Variants in CDH18 observed in about 807,000 individuals in gnomAD.
The protein encoded by CDH18 is cadherin-18.
Under a neutral mutation model 67.9 loss-of-function variants are expected in CDH18, and 31 were observed. That is an observed-to-expected ratio of 0.46 (90% confidence interval 0.34 to 0.62). The LOEUF is 0.62. CDH18 is among the 20% of genes least tolerant of loss of function. CDH18 has a pLI of 0.01. For synonymous variants in CDH18, 362 were observed against 347.2 expected (o/e 1.04, Z -0.48); for missense variants, 890 against 975.5 (o/e 0.91, Z 1.17).
chr5:19,665,042 C>T (rs1213170174), intron 5 of CDH18, among the ~76,000 whole-genome samples: 1 of 151,770 alleles, frequency 6.6e-6, no homozygotes, highest in Non-Finnish European at 1.5e-5. Flanking sequence ...TAGATTTTTC[C>T]AGTACAATTG....
intron 3 of CDH18, among the ~76,000 whole-genome samples, chr5:19,808,426 A>G (rs1349579300): frequency 6.6e-6 from 1 of 152,204 alleles, no homozygotes; most frequent in Non-Finnish European, 1.5e-5. Flanking sequence ...ATGTTCATAC[A>G]TTCATTGGAT....
At chr5:20,409,857 A>G (rs1276863579) in intron 1 of CDH18, among the ~76,000 whole-genome samples, 4 of 151,748 alleles carry the variant, frequency 2.6e-5, no homozygotes, top group African/African-American at 9.7e-5. Context: ...AAATTACTAT[A>G]AACACTTGTA....
chr5:19,694,190 T>C (rs1580906752), intron 5 of CDH18, among the ~76,000 whole-genome samples: 2 of 152,292 alleles, frequency 1.3e-5, no homozygotes, highest in East Asian at 1.9e-4. Context: ...TTTTTTTATA[T>C]ATGTATAAAG....
chr5:20,166,797 G>A (rs1285801329), intron 2 of CDH18, among the ~76,000 whole-genome samples: 1 of 152,094 alleles, frequency 6.6e-6, no homozygotes, highest in Non-Finnish European at 1.5e-5. Context: ...CAAGCCTTCT[G>A]CTTTAGGCAG....
Position 20,214,096 on chromosome 5 carries a change from G to A in CDH18, c.-518+41348C>T, listed in dbSNP as rs568100387. Among the ~76,000 whole-genome samples, 8 of 151,904 alleles carry A rather than the reference G, an allele frequency of 5.3e-5. No individual in the cohort carries two copies. In the South Asian group the frequency reaches 1.2e-3, roughly 24 times the overall value. On this transcript the variant is annotated intron_variant, in intron 2 of 14. Transcript: ENST00000507958. ...ATGCAATCCCATTCACAATTACCAC[G>A]AAAAAGAATGAAATACCTAGAAATA...
intron 2 of CDH18, among the ~76,000 whole-genome samples, chr5:19,916,359 G>A (rs988283202): frequency 6.6e-5 from 10 of 152,066 alleles, no homozygotes; most frequent in African/African-American, 2.4e-4. Context: ...AGTATCCACA[G>A]GGATTACGCC....
At chr5:20,220,536 T>C (rs1741142356) in intron 2 of CDH18, among the ~76,000 whole-genome samples, 3 of 151,870 alleles carry the variant, frequency 2.0e-5, no homozygotes, top group East Asian at 3.9e-4. Flanking sequence ...TAAGAAAATA[T>C]TGGGGAAACT....
chr5:19,508,049 T>C (rs1025309564), intron 10 of CDH18, among the ~76,000 whole-genome samples: 1 of 146,558 alleles, frequency 6.8e-6, no homozygotes, highest in Non-Finnish European at 1.5e-5. Context: ...TTATTAATCG[T>C]ATTTCTGAAA....
intron 1 of CDH18, among the ~76,000 whole-genome samples, chr5:20,429,504 T>C (rs945350721): frequency 1.3e-5 from 2 of 152,196 alleles, no homozygotes; most frequent in African/African-American, 4.8e-5. Context: ...TATTTATCTG[T>C]AGTCAGGTCT....
intron 11 of CDH18, among the ~76,000 whole-genome samples, chr5:19,490,202 T>G (rs1741175952): frequency 6.6e-6 from 1 of 151,952 alleles, no homozygotes; most frequent in Non-Finnish European, 1.5e-5. Context: ...ATTCTATTTT[T>G]AAAATAGTTT....
intron 2 of CDH18, among the ~76,000 whole-genome samples, chr5:20,218,861 A>G (rs1740991602): frequency 6.8e-6 from 1 of 146,274 alleles, no homozygotes; most frequent in Admixed American, 7.0e-5. Context: ...GCAGCATGAA[A>G]ATGGACTAAT....
At chr5:20,140,827 C>T (rs1395408816) in intron 2 of CDH18, among the ~76,000 whole-genome samples, 3 of 152,060 alleles carry the variant, frequency 2.0e-5, no homozygotes, top group African/African-American at 7.2e-5. Flanking sequence ...ATTTTGGTAC[C>T]TTTAACCCTC....
At chr5:20,346,579 A>G (rs1461292811) in intron 1 of CDH18, among the ~76,000 whole-genome samples, 2 of 152,172 alleles carry the variant, frequency 1.3e-5, no homozygotes, top group East Asian at 3.9e-4. Context: ...ACCAGCAGCA[A>G]AAACTCTGGG....
intron 5 of CDH18, among the ~76,000 whole-genome samples, chr5:19,637,373 ACT>A (rs746040476): frequency 1.3e-5 from 2 of 151,094 alleles, no homozygotes; most frequent in Admixed American, 6.6e-5. Flanking sequence ...TGCCAACTCG[ACT>A]CTCTATTTAA....
intron 3 of CDH18, among the ~76,000 whole-genome samples, chr5:19,790,257 A>G (rs1776220012): frequency 6.6e-6 from 1 of 152,162 alleles, no homozygotes; most frequent in African/African-American, 2.4e-5. Context: ...AAGGGATGAC[A>G]TCACAAACAA....
chr5:19,472,029 A>T lies in CDH18; in HGVS notation c.*1197T>A, dbSNP rs1439215210. ...CCTGAACACAGAGACTTTCGGAAAC[A>T]TATCTGAGGATAATAACTGTGAATC... On this transcript the variant is annotated 3_prime_UTR_variant, in exon 13 of 13. Transcript: ENST00000382275. Among the ~76,000 whole-genome samples the T allele has an allele frequency of 1.3e-5, 2 of 152,144 alleles. No homozygotes were observed. The highest frequency in any genetic ancestry group is 2.4e-5 in the African/African-American group (1 of 41,454).
rs1417248425 is a variant in CDH18, at chr5:19,785,680, ATATATAT to A, written c.229-38451_229-38445del. On this transcript the variant is annotated intron_variant, in intron 3 of 12. Transcript: ENST00000382275. ...AAAAAAAAAAAAAAAAAAAAAAAAA[ATATATAT>A]ATATATATATATATATATATATATA... Among the ~76,000 whole-genome samples, 81 of 13,136 alleles carry A rather than the reference ATATATAT, an allele frequency of 6.2e-3. 1 individual carries two copies. The highest frequency in any genetic ancestry group is 0.024 in the South Asian group (5 of 206). 8.6% of individuals were successfully genotyped at this position (13,136 alleles called of 152,430 possible). A position where few individuals can be genotyped will look rare whatever the true frequency, so the allele number is the denominator to read the frequency against.
intron 2 of CDH18, among the ~76,000 whole-genome samples, chr5:20,204,428 A>T (rs1739714926): frequency 6.6e-6 from 1 of 151,998 alleles, no homozygotes; most frequent in East Asian, 1.9e-4. Context: ...GGAGAGAGAA[A>T]TTTTTTCCCA....
At chr5:19,660,258 G>A (rs569931302) in intron 5 of CDH18, among the ~76,000 whole-genome samples, 43 of 151,966 alleles carry the variant, frequency 2.8e-4, no homozygotes, top group African/African-American at 9.4e-4. Flanking sequence ...ATACGTGAAC[G>A]TTCAACTCTT....
Sources: gnomAD v4.1 joint callset for allele counts (sites outside exome capture counted in the v4.1 genomes callset) on GRCh38, gnomAD v4.1.1 for gene constraint, MANE v1.5 for transcripts, NCBI Gene and HGNC (gene_info 2026-07-23, HGNC 2026-07-21) for gene names.